Variants in GSG1L observed in about 807,000 individuals in gnomAD.
GSG1L encodes germ cell-specific gene 1-like protein.
A neutral mutation model predicts 42.1 loss-of-function variants in GSG1L; 24 were observed. The ratio of observed to expected loss-of-function variants is 0.57; its 90% confidence interval spans 0.41 to 0.80. The LOEUF (loss-of-function observed/expected upper bound fraction) is 0.80. Ranked by LOEUF, GSG1L falls within the 30% of genes least tolerant of loss-of-function variation. GSG1L has a pLI of 0.00. For missense variants in GSG1L, 445 were observed against 472.2 expected (o/e 0.94, Z 0.53); for synonymous variants, 215 against 203.5 (o/e 1.06, Z -0.48).
chr16:27,964,391 A>AT (rs1379646044), intron 1 of GSG1L, among the ~76,000 whole-genome samples: 4 of 152,246 alleles, frequency 2.6e-5, no homozygotes, highest in Admixed American at 2.6e-4. Flanking sequence ...GCCTTCGGCC[A>AT]TTTTGCCTTG....
chr16:27,888,461 T>C (rs1596587863), intron 2 of GSG1L, among the ~76,000 whole-genome samples: 1 of 16,216 alleles, frequency 6.2e-5, no homozygotes, highest in Non-Finnish European at 2.1e-4. Context: ...TCTTTCTTTC[T>C]TTCTCTCTCT....
chr16:27,916,854 GA>G (rs2084462557), intron 2 of GSG1L, among the ~76,000 whole-genome samples: 2 of 141,304 alleles, frequency 1.4e-5, no homozygotes, highest in African/African-American at 5.3e-5. Context: ...ATCATTAATG[GA>G]AAAAATAAAA....
chr16:27,888,191 G>A, intron 2 of GSG1L: 1 of 928,230 alleles, frequency 1.1e-6, no homozygotes, highest in Non-Finnish European at 1.3e-6. Flanking sequence ...CAGGGGGTGC[G>A]TTCAACCCTG....
chr16:27,956,560 A>T (rs1013888913), intron 2 of GSG1L, among the ~76,000 whole-genome samples: 1 of 152,300 alleles, frequency 6.6e-6, no homozygotes, highest in Non-Finnish European at 1.5e-5. Flanking sequence ...GGACTTGGCC[A>T]TGGGACTGGC....
chr16:28,054,959 A>ACACAGCGGTTG (rs2086262788), intron 1 of GSG1L, among the ~76,000 whole-genome samples: 1 of 152,068 alleles, frequency 6.6e-6, no homozygotes. Flanking sequence ...TTCTGGAACT[A>ACACAGCGGTTG]CACAGCGGTT....
intron 2 of GSG1L, among the ~76,000 whole-genome samples, chr16:27,949,850 G>A (rs868047858): frequency 3.3e-5 from 5 of 152,138 alleles, no homozygotes; most frequent in Admixed American, 2.0e-4. Context: ...GCATGAACCC[G>A]GGAGGCAGAG....
At chr16:27,945,304 C>G (rs891543933) in intron 2 of GSG1L, among the ~76,000 whole-genome samples, 1 of 152,104 alleles carries the variant, frequency 6.6e-6, no homozygotes, top group African/African-American at 2.4e-5. Context: ...AAGCTGCTAT[C>G]AGAAATTTCT....
At chr16:27,854,146 GT>G (rs796603792) in intron 3 of GSG1L, among the ~76,000 whole-genome samples, 48 of 151,380 alleles carry the variant, frequency 3.2e-4, no homozygotes, top group African/African-American at 1.2e-3. Context: ...ATCAGCTAAA[GT>G]TGCTCGCCTG....
At chr16:27,874,440 C>CATTTTT (rs1455451741) in intron 3 of GSG1L, among the ~76,000 whole-genome samples, 1 of 42,936 alleles carries the variant, frequency 2.3e-5, no homozygotes, top group Non-Finnish European at 5.3e-5. Context: ...CACAGGAGAG[C>CATTTTT]CTTTTTTTTT....
chr16:28,020,643 AG>A (rs1197822745), intron 1 of GSG1L, among the ~76,000 whole-genome samples: 1 of 152,164 alleles, frequency 6.6e-6, no homozygotes, highest in Non-Finnish European at 1.5e-5. Flanking sequence ...ACATTGAATC[AG>A]GGATGACTTG....
intron 1 of GSG1L, among the ~76,000 whole-genome samples, chr16:28,016,965 T>C (rs781317875): frequency 3.4e-4 from 51 of 152,190 alleles, no homozygotes; most frequent in Non-Finnish European, 6.9e-4. Flanking sequence ...TGCCTCCGCC[T>C]TTAGGGTTGA....
intron 3 of GSG1L, among the ~76,000 whole-genome samples, chr16:27,853,059 A>G (rs1210294839): frequency 6.6e-6 from 1 of 152,212 alleles, no homozygotes; most frequent in Non-Finnish European, 1.5e-5. Flanking sequence ...AATTAATATC[A>G]GCCCCAGAAC....
rs1453805946 is a variant in GSG1L, at chr16:27,791,398, T to C, written c.968A>G (p.Gln323Arg). 3.3e-6 allele frequency: 5 copies of C among 1,515,208 alleles called. No individual in the cohort carries two copies. The highest frequency in any genetic ancestry group is 2.0e-5 in the Admixed American group (1 of 49,770). 93.9% of individuals were successfully genotyped at this position (1,515,208 alleles called of 1,614,324 possible). ...SAQEAPELNR[Q>R]CWVLGHWV ...CACCCAGTGCCCCAAGACCCAGCAC[T>C]GTCGGTTCAGCTCTGGTGCTTCCTG... The change falls in exon 7 of 7, where the codon CAG becomes CGG. Residue 323 changes from glutamine to arginine, a missense_variant. Coordinates refer to ENST00000447459, the MANE Select transcript of GSG1L (RefSeq NM_001109763.2).
At chr16:27,999,168 C>T (rs1596687379) in intron 1 of GSG1L, among the ~76,000 whole-genome samples, 2 of 152,196 alleles carry the variant, frequency 1.3e-5, no homozygotes, top group Admixed American at 6.5e-5. Flanking sequence ...TTGGGTCAGG[C>T]GCAGTGGCTC....
At position 27,804,241 on chromosome 16, in the gene GSG1L, G is replaced by C. The variant is rs561937084; in HGVS notation, c.898+3246C>G. ...CCTCCTGCCACCGTCGGCCCCTCCA[G>C]CTCTCCTGCCCTCCCATTGCCCTCC... On this transcript the variant is annotated intron_variant, in intron 6 of 6. Coordinates refer to ENST00000447459, the MANE Select transcript of GSG1L (RefSeq NM_001109763.2). 1.1e-4 allele frequency among the ~76,000 whole-genome samples: 16 copies of C among 152,136 alleles called. No individual in the cohort carries two copies. The South Asian group carries it at 3.3e-3, about 32-fold the overall frequency.
chr16:27,951,052 A>G (rs1419241686), intron 2 of GSG1L, among the ~76,000 whole-genome samples: 1 of 152,092 alleles, frequency 6.6e-6, no homozygotes, highest in Admixed American at 6.5e-5. Flanking sequence ...ATTTCCTGAC[A>G]CACACCCTGG....
At chr16:27,888,482 C>CCTTCCTTT (rs2084070457) in intron 2 of GSG1L, among the ~76,000 whole-genome samples, 2 of 68,954 alleles carry the variant, frequency 2.9e-5, no homozygotes, top group African/African-American at 1.4e-4. Flanking sequence ...CTCTCTCTTT[C>CCTTCCTTT]CTTTCTTTCT....
chr16:27,885,481 C>T (rs2084016618), intron 2 of GSG1L, among the ~76,000 whole-genome samples: 1 of 152,142 alleles, frequency 6.6e-6, no homozygotes, highest in South Asian at 2.1e-4. Context: ...ACCTCACACA[C>T]ACAGCAGGCT....
intron 5 of GSG1L, among the ~76,000 whole-genome samples, chr16:27,818,133 C>G (rs2083116620): frequency 6.6e-6 from 1 of 152,224 alleles, no homozygotes; most frequent in South Asian, 2.1e-4. Flanking sequence ...CAGCCCAGCC[C>G]AGGCTTCCCA....
Sources: gnomAD v4.1 joint callset for allele counts (sites outside exome capture counted in the v4.1 genomes callset) on GRCh38, gnomAD v4.1.1 for gene constraint, MANE v1.5 for transcripts, NCBI Gene and HGNC (gene_info 2026-07-23, HGNC 2026-07-21) for gene names.